The following MPRIP variants were observed in gnomAD, a reference collection of about 807,000 sequenced individuals.
MPRIP encodes myosin phosphatase Rho-interacting protein.
A neutral mutation model predicts 234.9 loss-of-function variants in MPRIP; 59 were observed. The ratio of observed to expected loss-of-function variants is 0.25; its 90% confidence interval spans 0.20 to 0.31. The LOEUF (loss-of-function observed/expected upper bound fraction) is 0.31. Among genes scored for constraint, MPRIP ranks in the 10% least tolerant of loss-of-function variants. The pLI is 1.00. For synonymous variants in MPRIP, 1,144 were observed against 1,263.9 expected, an observed-to-expected ratio of 0.91 and a Z score of 2.01; for missense variants, 2,436 against 3,071.0, an observed-to-expected ratio of 0.79 and a Z score of 4.89.
At chr17:17,179,952 G>C in intron 22 of MPRIP, 51 bp from the exon 23 acceptor site, 2 of 1,457,398 alleles carry the variant, frequency 1.4e-6, no homozygotes, top group Non-Finnish European at 1.9e-6. Flanking sequence ...GTTCCAGAGG[G>C]TTTTAGAAAG....
chr17:17,118,789 T>G (rs2090334073), intron 3 of MPRIP, among the ~76,000 whole-genome samples: 1 of 152,134 alleles, frequency 6.6e-6, no homozygotes, highest in African/African-American at 2.4e-5. Flanking sequence ...CTGCGGCTCT[T>G]TCCAGTTTCC....
At chr17:17,072,457 T>TG (rs1369924463) in intron 1 of MPRIP, among the ~76,000 whole-genome samples, 1 of 151,498 alleles carries the variant, frequency 6.6e-6, no homozygotes, top group African/African-American at 2.4e-5. Context: ...GGGGTGGGGG[T>TG]GGGGGGCAAG....
At chr17:17,126,402 T>C (rs1008990085) in intron 3 of MPRIP, among the ~76,000 whole-genome samples, 2 of 152,288 alleles carry the variant, frequency 1.3e-5, no homozygotes, top group Admixed American at 1.3e-4. Context: ...GACCAGGATC[T>C]CAGCTGCCCC....
chr17:17,159,074 G>A, intron 14 of MPRIP, 72 bp downstream of exon 14: 1 of 1,473,694 alleles, frequency 6.8e-7, no homozygotes, highest in Non-Finnish European at 9.2e-7. Context: ...GCCCAGCTGT[G>A]GCCTGAGGGG....
chr17:17,051,559 T>C (rs1340889501), intron 1 of MPRIP, among the ~76,000 whole-genome samples: 1 of 152,172 alleles, frequency 6.6e-6, no homozygotes, highest in Non-Finnish European at 1.5e-5. Context: ...GGGGAGGGCC[T>C]TGGGTCATCT....
intron 3 of MPRIP, among the ~76,000 whole-genome samples, chr17:17,112,351 C>T (rs2090189462): frequency 6.6e-6 from 1 of 152,196 alleles, no homozygotes; most frequent in Non-Finnish European, 1.5e-5. Context: ...CTGCATCCCA[C>T]AAGTGCCCAT....
At chr17:17,173,413 G>C (rs1317305328) in intron 18 of MPRIP, among the ~76,000 whole-genome samples, 1 of 152,232 alleles carries the variant, frequency 6.6e-6, no homozygotes, top group Non-Finnish European at 1.5e-5. Flanking sequence ...GCACCCTGTA[G>C]AGGCTCACGC....
rs540558150 is a variant in MPRIP, at chr17:17,176,299, T to C, written c.6871-127T>C. The stretch of plus-strand genomic sequence containing the variant: ...GGTGTTTAAACGATGCTTGCCCGCA[T>C]TGGGCACCACGAGGCTGCCCTGCTC... On this transcript the variant is annotated intron_variant, in intron 20 of 23. Transcript: ENST00000651222. 8.1e-5 allele frequency: 58 copies of C among 713,000 alleles called. 1 individual carries two copies. In the East Asian group the frequency reaches 1.4e-3, roughly 18 times the overall value. 44.2% of individuals were successfully genotyped at this position (713,000 alleles called of 1,614,324 possible).
At chr17:17,071,868 G>T (rs1364445011) in intron 1 of MPRIP, among the ~76,000 whole-genome samples, 1 of 152,158 alleles carries the variant, frequency 6.6e-6, no homozygotes, top group Non-Finnish European at 1.5e-5. Flanking sequence ...TTACAGCCCA[G>T]CTCAGATCCC....
intron 3 of MPRIP, among the ~76,000 whole-genome samples, chr17:17,085,729 G>A (rs553905501): frequency 1.4e-4 from 22 of 152,258 alleles, no homozygotes; most frequent in African/African-American, 4.1e-4. Context: ...TAGCTAACAC[G>A]GTGAAACCCC....
chr17:17,158,865 G>A lies in MPRIP; in HGVS notation c.2263G>A (p.Glu755Lys). 1 of 1,611,950 alleles carries A rather than the reference G, an allele frequency of 6.2e-7. No individual in the cohort carries two copies. Among genetic ancestry groups the A allele is most frequent in the Non-Finnish European group, 8.5e-7 (1 of 1,180,026 alleles). ...LKTHNVHVEI[E>K]QRWHQVETTP... is the part of the protein sequence containing the mutation. ...AACGCATAACGTCCACGTGGAGATT[G>A]AGCAGCGGTGGCATCAGGTGGAGAC... The change falls in exon 14 of 24, where the codon GAG (glutamate) becomes AAG (lysine). Residue 755 changes from glutamate (E) to lysine (K), a missense_variant. By Grantham distance (56) the Glu-to-Lys change is moderately conservative (BLOSUM62 1). Coordinates refer to ENST00000651222, the MANE Select transcript of MPRIP (RefSeq NM_001364716.4).
At chr17:17,088,305 C>G (rs1250223186) in intron 3 of MPRIP, among the ~76,000 whole-genome samples, 1 of 152,246 alleles carries the variant, frequency 6.6e-6, no homozygotes, top group African/African-American at 2.4e-5. Context: ...GTGGACTTCT[C>G]TGCAGCAGCT....
Position 17,133,234 on chromosome 17 carries a change from G to A in MPRIP, c.504+1533G>A, listed in dbSNP as rs1258116315. 1.3e-5 allele frequency among the ~76,000 whole-genome samples: 2 copies of A among 152,204 alleles called. 1 individual carries two copies. The highest frequency in any genetic ancestry group is 2.9e-5 in the Non-Finnish European group (2 of 68,034). On this transcript the variant is annotated intron_variant, in intron 5 of 23. Coordinates refer to ENST00000651222, the MANE Select transcript of MPRIP (RefSeq NM_001364716.4). Reference sequence around the variant, plus strand: ...CAGGGTTCCTAGCCTTCTGCACTCAGGCCCCTCCTAAGACAACCTTGCGGG... The same window carrying A: ...CAGGGTTCCTAGCCTTCTGCACTCAAGCCCCTCCTAAGACAACCTTGCGGG...
intron 9 of MPRIP, among the ~76,000 whole-genome samples, chr17:17,145,767 C>T (rs770265306): frequency 1.3e-5 from 2 of 152,212 alleles, no homozygotes; most frequent in Admixed American, 1.3e-4. Flanking sequence ...CAGGCCGGAG[C>T]CCACACTGCT....
intron 23 of MPRIP, among the ~76,000 whole-genome samples, chr17:17,183,672 T>G (rs188021045): frequency 1.1e-3 from 175 of 152,334 alleles, no homozygotes; most frequent in African/African-American, 4.1e-3. Flanking sequence ...GAGCTCCCCC[T>G]TCCCTTGAGC....
intron 3 of MPRIP, among the ~76,000 whole-genome samples, chr17:17,111,992 A>T (rs940711009): frequency 3.3e-5 from 5 of 152,160 alleles, no homozygotes; most frequent in African/African-American, 4.8e-5. Flanking sequence ...TCATTGTCGC[A>T]TGACAGTCGT....
intron 19 of MPRIP, 58 bp downstream of exon 19, chr17:17,174,133 C>T (rs1452814130): frequency 6.3e-7 from 1 of 1,584,286 alleles, no homozygotes; most frequent in Non-Finnish European, 8.6e-7. Context: ...GTCAGGTAGA[C>T]CCATAGTCAG....
At chr17:17,077,917 A>C in intron 2 of MPRIP, 94 bp from the exon 3 acceptor site, 1 of 1,209,220 alleles carries the variant, frequency 8.3e-7, no homozygotes, top group Non-Finnish European at 1.2e-6. Context: ...GACCTTCCTT[A>C]GATATGGACT....
intron 16 of MPRIP, chr17:17,170,099 C>T (rs964765150): frequency 6.6e-6 from 1 of 150,676 alleles, no homozygotes; most frequent in South Asian, 2.1e-4. Context: ...GTTTTAGCAG[C>T]ATATATACTA....
Sources: allele counts gnomAD v4.1 joint callset (sites outside exome capture counted in the v4.1 genomes callset), GRCh38; gene constraint gnomAD v4.1.1; transcripts MANE v1.5; gene names NCBI Gene and HGNC (gene_info 2026-07-23, HGNC 2026-07-21).